CNTNAP2: variants seen among roughly 807,000 people sequenced by gnomAD.
CNTNAP2 encodes contactin-associated protein-like 2.
CNTNAP2 carries 98 observed loss-of-function variants against 155.2 expected under a neutral mutation model. The observed-to-expected ratio is 0.63, with a 90% CI of 0.54 to 0.75. The LOEUF (loss-of-function observed/expected upper bound fraction) is 0.75. Among genes scored for constraint, CNTNAP2 ranks in the 30% least tolerant of loss-of-function variants. The probability of loss-of-function intolerance (pLI) is 0.00; values close to 1 mark genes in which losing one functional copy is unlikely to be tolerated. For synonymous variants in CNTNAP2, 651 were observed against 631.2 expected, an observed-to-expected ratio of 1.03 and a Z score of -0.47; for missense variants, 1,727 against 1,688.1, an observed-to-expected ratio of 1.02 and a Z score of -0.40.
At chr7:146,520,052 A>G (rs2129137173) in intron 1 of CNTNAP2, among the ~76,000 whole-genome samples, 1 of 151,814 alleles carries the variant, frequency 6.6e-6, no homozygotes, top group Non-Finnish European at 1.5e-5. Context: ...TATAAAATGA[A>G]TACGAACCCA....
chr7:147,391,121 G>A (rs73475234), intron 9 of CNTNAP2, among the ~76,000 whole-genome samples: 4,946 of 152,196 alleles, frequency 0.032, 285 homozygotes, highest in African/African-American at 0.11. Context: ...AACAAGTTTT[G>A]TGCCATCCTC....
At chr7:148,230,067 T>C (rs753992468) in intron 20 of CNTNAP2, among the ~76,000 whole-genome samples, 4 of 152,238 alleles carry the variant, frequency 2.6e-5, no homozygotes, top group Admixed American at 6.5e-5. Context: ...AATTTACTGC[T>C]TTTATCCATT....
chr7:146,717,631 G>T (rs1270063462), intron 1 of CNTNAP2, among the ~76,000 whole-genome samples: 1 of 151,810 alleles, frequency 6.6e-6, no homozygotes, highest in Non-Finnish European at 1.5e-5. Flanking sequence ...GTGACTTTGA[G>T]AAAACTACTA....
intron 1 of CNTNAP2, among the ~76,000 whole-genome samples, chr7:146,622,521 G>A (rs369062562): frequency 2.0e-5 from 3 of 152,006 alleles, no homozygotes; most frequent in South Asian, 2.1e-4. Context: ...CTGTTTGTAT[G>A]TATATTCATC....
intron 14 of CNTNAP2, among the ~76,000 whole-genome samples, chr7:147,951,994 G>T (rs1323358148): frequency 6.6e-6 from 1 of 151,760 alleles, no homozygotes; most frequent in Admixed American, 6.6e-5. Context: ...ACTCATAGTG[G>T]CATGGCCCCA....
intron 1 of CNTNAP2, among the ~76,000 whole-genome samples, chr7:146,693,403 T>C (rs1800730437): frequency 6.6e-6 from 1 of 152,144 alleles, no homozygotes; most frequent in Non-Finnish European, 1.5e-5. Context: ...CCATTAACTT[T>C]GTTTCTTCTT....
At chr7:146,636,184 TGGGCA>T (rs1346482067) in intron 1 of CNTNAP2, among the ~76,000 whole-genome samples, 3 of 121,178 alleles carry the variant, frequency 2.5e-5, no homozygotes, top group African/African-American at 9.8e-5. Flanking sequence ...ACAGGAATTC[TGGGCA>T]GGGCAGGGGG....
chr7:147,691,121 C>T (rs1007809741), intron 13 of CNTNAP2, among the ~76,000 whole-genome samples: 1 of 152,006 alleles, frequency 6.6e-6, no homozygotes, highest in African/African-American at 2.4e-5. Flanking sequence ...AATCATAGAT[C>T]ACATTAATTC....
chr7:147,840,858 T>C (rs763499182), intron 13 of CNTNAP2, among the ~76,000 whole-genome samples: 3 of 151,768 alleles, frequency 2.0e-5, no homozygotes, highest in Non-Finnish European at 2.9e-5. Flanking sequence ...ATAAATCTTC[T>C]CCAAAATCCA....
chr7:147,945,485 AT>A (rs1800802280), intron 14 of CNTNAP2, among the ~76,000 whole-genome samples: 1 of 152,172 alleles, frequency 6.6e-6, no homozygotes, highest in Admixed American at 6.5e-5. Flanking sequence ...AGCAAAGTAA[AT>A]TTGTGATTTA....
chr7:148,161,455 G>A (rs1805538052), intron 17 of CNTNAP2, among the ~76,000 whole-genome samples: 3 of 152,064 alleles, frequency 2.0e-5, no homozygotes, highest in Admixed American at 6.6e-5. Context: ...AGTTGAGGGG[G>A]CAAAGAAAAA....
At chr7:147,765,950 A>G (rs1797376392) in intron 13 of CNTNAP2, among the ~76,000 whole-genome samples, 1 of 152,250 alleles carries the variant, frequency 6.6e-6, no homozygotes, top group Non-Finnish European at 1.5e-5. Context: ...CTACAACACC[A>G]TGAATGAAAG....
In CNTNAP2 at chr7:147,235,345, G is replaced by GGTGTGTGTGTGTGTGT. The variant is rs60072934; in HGVS notation, c.1349-64775_1349-64760dup. Among the ~76,000 whole-genome samples, 499 of 140,950 alleles carry GGTGTGTGTGTGTGTGT rather than the reference G, an allele frequency of 3.5e-3. 3 individuals are homozygous for GGTGTGTGTGTGTGTGT. Among genetic ancestry groups the GGTGTGTGTGTGTGTGT allele is most frequent in the Middle Eastern group, 0.011 (3 of 284 alleles). 92.5% of individuals were successfully genotyped at this position (140,950 alleles called of 152,430 possible). On this transcript the variant is annotated intron_variant, in intron 8 of 23. Transcript: ENST00000361727. ...ACCTTTTTATAGAGATGGAGTTTTTGGTGTGTGTGTGTGTGTGTGTGTGTG... is the reference window on the plus strand; with the variant it reads ...ACCTTTTTATAGAGATGGAGTTTTTGGTGTGTGTGTGTGTGTGTGTGTGTGTGTGTGTGTGTGTGTG...
At chr7:147,310,405 G>A (rs1261979644) in intron 9 of CNTNAP2, among the ~76,000 whole-genome samples, 1 of 152,098 alleles carries the variant, frequency 6.6e-6, no homozygotes, top group Non-Finnish European at 1.5e-5. Flanking sequence ...CTTTTAAAAT[G>A]ATTAGCCTAA....
chr7:146,998,470 C>T (rs73465215), intron 3 of CNTNAP2, among the ~76,000 whole-genome samples: 9,688 of 151,870 alleles, frequency 0.064, 752 homozygotes, highest in African/African-American at 0.19. Flanking sequence ...GGAGAATATT[C>T]CCTGTGCAAG....
intron 8 of CNTNAP2, among the ~76,000 whole-genome samples, chr7:147,264,049 C>T (rs546136961): frequency 6.6e-6 from 1 of 152,278 alleles, no homozygotes; most frequent in South Asian, 2.1e-4. Flanking sequence ...TAGATGTAAG[C>T]AATGTGTTTG....
At chr7:147,179,631 T>C (rs1392936319) in intron 8 of CNTNAP2, among the ~76,000 whole-genome samples, 1 of 152,134 alleles carries the variant, frequency 6.6e-6, no homozygotes, top group Non-Finnish European at 1.5e-5. Flanking sequence ...ATTAGTCTTA[T>C]CAAAATCGGT....
chr7:148,057,124 A>G (rs893104157), intron 15 of CNTNAP2, among the ~76,000 whole-genome samples: 8 of 152,156 alleles, frequency 5.3e-5, no homozygotes, highest in Non-Finnish European at 8.8e-5. Context: ...AGTCACTTCC[A>G]TACATAAGAG....
intron 13 of CNTNAP2, among the ~76,000 whole-genome samples, chr7:147,774,807 C>T (rs1797532548): frequency 6.6e-6 from 1 of 152,100 alleles, no homozygotes; most frequent in Non-Finnish European, 1.5e-5. Context: ...GTTACAGCAC[C>T]TGAAGGGGAC....
Sources: allele counts gnomAD v4.1 joint callset (sites outside exome capture counted in the v4.1 genomes callset), GRCh38; gene constraint gnomAD v4.1.1; transcripts MANE v1.5; gene names NCBI Gene and HGNC (gene_info 2026-07-23, HGNC 2026-07-21).